Variants in CAMTA1 observed in about 807,000 individuals in gnomAD.
The protein encoded by CAMTA1 is calmodulin binding transcription activator 1, also known as calmodulin-binding transcription activator 1.
A neutral mutation model predicts 170.9 loss-of-function variants in CAMTA1; 27 were observed. That is an observed-to-expected ratio of 0.16 (90% confidence interval 0.12 to 0.22). The LOEUF (loss-of-function observed/expected upper bound fraction) is 0.22. Ranked by LOEUF, CAMTA1 falls within the 10% of genes least tolerant of loss-of-function variation. The probability of loss-of-function intolerance (pLI) is 1.00; values close to 1 mark genes in which losing one functional copy is unlikely to be tolerated. For missense variants in CAMTA1, 1,619 were observed against 2,217.2 expected (o/e 0.73, Z 5.42); for synonymous variants, 833 against 891.5 (o/e 0.93, Z 1.17).
intron 16 of CAMTA1, among the ~76,000 whole-genome samples, chr1:7,743,283 T>TA (rs1271815490): frequency 6.6e-6 from 1 of 151,976 alleles, no homozygotes; most frequent in African/African-American, 2.4e-5. Flanking sequence ...TTACGTATGA[T>TA]AAAAAATTTA....
intron 5 of CAMTA1, among the ~76,000 whole-genome samples, chr1:7,351,638 T>C (rs115407734): frequency 0.013 from 2,030 of 152,276 alleles, 34 homozygotes; most frequent in African/African-American, 0.045. Context: ...ACATGGAGAT[T>C]GGAGAAACAC....
At chr1:7,245,359 CTG>C (rs968386892) in intron 4 of CAMTA1, among the ~76,000 whole-genome samples, 52 of 150,962 alleles carry the variant, frequency 3.4e-4, no homozygotes, top group Non-Finnish European at 6.5e-4. Flanking sequence ...CAGTTTTACT[CTG>C]TGTAATCTAC....
chr1:7,213,704 C>A (rs1192151726), intron 4 of CAMTA1, among the ~76,000 whole-genome samples: 1 of 151,782 alleles, frequency 6.6e-6, no homozygotes, highest in Non-Finnish European at 1.5e-5. Context: ...GTGTGCTGTA[C>A]CCATTAACTC....
intron 5 of CAMTA1, among the ~76,000 whole-genome samples, chr1:7,321,385 G>C (rs762606211): frequency 6.6e-6 from 1 of 152,158 alleles, no homozygotes; most frequent in Non-Finnish European, 1.5e-5. Flanking sequence ...TTCTCTGTCA[G>C]CCTCTCCTTC....
At chr1:7,593,320 C>A (rs1253856545) in intron 6 of CAMTA1, among the ~76,000 whole-genome samples, 1 of 152,098 alleles carries the variant, frequency 6.6e-6, no homozygotes, top group African/African-American at 2.4e-5. Context: ...GGAGTCTCTG[C>A]TCTCATAGAG....
intron 4 of CAMTA1, chr1:7,142,244 C>T (rs1311132013): frequency 2.1e-6 from 1 of 477,120 alleles, no homozygotes; most frequent in Non-Finnish European, 4.2e-6. Flanking sequence ...CAGTTTCCAG[C>T]AGCCTCTCTG....
chr1:6,874,566 C>T (rs969262901), intron 3 of CAMTA1: 3 of 152,168 alleles, frequency 2.0e-5, no homozygotes, highest in Non-Finnish European at 4.4e-5. Context: ...CCCCAGTAGT[C>T]TTCTAACACT....
At chr1:6,977,148 C>T (rs1388034188) in intron 3 of CAMTA1, among the ~76,000 whole-genome samples, 2 of 152,046 alleles carry the variant, frequency 1.3e-5, no homozygotes, top group Non-Finnish European at 2.9e-5. Context: ...GGGAGAAGGT[C>T]GTGTGGGTCG....
chr1:6,916,247 G>A (rs1200854728), intron 3 of CAMTA1, among the ~76,000 whole-genome samples: 2 of 152,068 alleles, frequency 1.3e-5, no homozygotes, highest in Admixed American at 1.3e-4. Context: ...ACCTGTCAGC[G>A]CAGAGCCCAG....
At chr1:7,285,634 G>C (rs1190674866) in intron 5 of CAMTA1, among the ~76,000 whole-genome samples, 1 of 152,124 alleles carries the variant, frequency 6.6e-6, no homozygotes, top group Non-Finnish European at 1.5e-5. Context: ...TAAAGATGTT[G>C]GTACAACAGA....
chr1:7,149,864 T>C (rs74051162), intron 4 of CAMTA1, among the ~76,000 whole-genome samples: 9,152 of 152,262 alleles, frequency 0.06, 679 homozygotes, highest in African/African-American at 0.18. Flanking sequence ...GGGAGCAGCA[T>C]GTTTATGGCA....
intron 5 of CAMTA1, among the ~76,000 whole-genome samples, chr1:7,398,245 A>ATATATATATAT (rs2089596012): frequency 2.6e-5 from 2 of 76,886 alleles, no homozygotes; most frequent in Non-Finnish European, 5.2e-5. Context: ...ATATTTGCTT[A>ATATATATATAT]ATATATCTGG....
chr1:7,393,705 G>A (rs2149148863), intron 5 of CAMTA1, among the ~76,000 whole-genome samples: 1 of 152,230 alleles, frequency 6.6e-6, no homozygotes, highest in East Asian at 1.9e-4. Context: ...TCTTTGAGGT[G>A]AAAACATTTA....
chr1:7,036,556 T>C (rs7522555), intron 3 of CAMTA1, among the ~76,000 whole-genome samples: 4,168 of 152,336 alleles, frequency 0.027, 203 homozygotes, highest in African/African-American at 0.094. Context: ...TTAAGTTACA[T>C]GCTGATGTCA....
chr1:6,959,968 T>A (rs1201527769), intron 3 of CAMTA1, among the ~76,000 whole-genome samples: 1 of 152,184 alleles, frequency 6.6e-6, no homozygotes, highest in Admixed American at 6.5e-5. Context: ...AAACACTGCG[T>A]GCCTGTTCAT....
chr1:7,168,786 AC>A (rs1649023501), intron 4 of CAMTA1, among the ~76,000 whole-genome samples: 1 of 152,258 alleles, frequency 6.6e-6, no homozygotes, highest in Non-Finnish European at 1.5e-5. Flanking sequence ...CAAGAATAGA[AC>A]TAGAAGTCCT....
intron 5 of CAMTA1, among the ~76,000 whole-genome samples, chr1:7,308,845 G>T (rs1279773218): frequency 3.9e-5 from 6 of 152,140 alleles, no homozygotes. Context: ...TTGGTTGATG[G>T]TGCTATTGAG....
At chr1:7,575,621 G>A (rs1369064613) in intron 6 of CAMTA1, among the ~76,000 whole-genome samples, 1 of 152,248 alleles carries the variant, frequency 6.6e-6, no homozygotes, top group Non-Finnish European at 1.5e-5. Context: ...GCAAAACCAT[G>A]GCCAAAAGGG....
At chr1:6,789,135 A>T (rs1640285426) in intron 1 of CAMTA1, among the ~76,000 whole-genome samples, 1 of 152,162 alleles carries the variant, frequency 6.6e-6, no homozygotes, top group East Asian at 1.9e-4. Context: ...GAGTGGATTC[A>T]AAGTGTTGAC....
Sources: allele counts gnomAD v4.1 joint callset (sites outside exome capture counted in the v4.1 genomes callset), GRCh38; gene constraint gnomAD v4.1.1; transcripts MANE v1.5; gene names NCBI Gene and HGNC (gene_info 2026-07-23, HGNC 2026-07-21).